Variants in TRAPPC10 observed in about 807,000 individuals in gnomAD.
The protein encoded by TRAPPC10 is trafficking protein particle complex subunit 10.
TRAPPC10 carries 23 observed loss-of-function variants against 125.5 expected under a neutral mutation model. That is an observed-to-expected ratio of 0.18 (90% CI 0.13 to 0.26). TRAPPC10 has a LOEUF of 0.26. TRAPPC10 is among the 10% of genes least tolerant of loss of function. The probability of loss-of-function intolerance (pLI) is 1.00; values close to 1 mark genes in which losing one functional copy is unlikely to be tolerated. For missense variants in TRAPPC10, 1,123 were observed against 1,308.4 expected, an observed-to-expected ratio of 0.86 and a Z score of 2.19; for synonymous variants, 509 against 518.0, an observed-to-expected ratio of 0.98 and a Z score of 0.24.
chr21:44,057,255 G>C (rs1176676907), intron 5 of TRAPPC10, among the ~76,000 whole-genome samples: 1 of 152,076 alleles, frequency 6.6e-6, no homozygotes, highest in Non-Finnish European at 1.5e-5. Context: ...TTGCACAATA[G>C]TGTGAGTGCA....
chr21:44,016,608 C>T (rs778884977), intron 1 of TRAPPC10, among the ~76,000 whole-genome samples: 3 of 152,152 alleles, frequency 2.0e-5, no homozygotes, highest in Admixed American at 6.5e-5. Context: ...TGTAGAGCTT[C>T]GTGTCTGGTT....
At chr21:44,076,485 T>C in intron 9 of TRAPPC10, 67 bp from the exon 10 acceptor site, 3 of 1,300,682 alleles carry the variant, frequency 2.3e-6, no homozygotes, top group Non-Finnish European at 3.3e-6. Flanking sequence ...TATGTGAAGG[T>C]GAATGTAAAG....
At chr21:44,031,995 A>G in intron 1 of TRAPPC10, 96 bp from the exon 2 acceptor site, 1 of 994,764 alleles carries the variant, frequency 1.0e-6, no homozygotes, top group South Asian at 1.5e-5. Context: ...ACTAAACATA[A>G]AACTACCTAA....
chr21:44,073,579 A>G lies in TRAPPC10; in HGVS notation c.1039-745A>G, dbSNP rs74780024. ...TCAAGTAAATACAGAAGCAGAGAGG[A>G]TAACATAATTCCCATGTAGGACCCA... On this transcript the variant is annotated intron_variant, in intron 7 of 22. Transcript: ENST00000291574. 2.2e-3 allele frequency among the ~76,000 whole-genome samples: 338 copies of G among 152,206 alleles called. 1 individual carries two copies. The highest frequency in any genetic ancestry group is 7.9e-3 in the African/African-American group (326 of 41,526).
intron 1 of TRAPPC10, among the ~76,000 whole-genome samples, chr21:44,025,022 C>T (rs1290009631): frequency 1.3e-5 from 2 of 152,212 alleles, no homozygotes; most frequent in African/African-American, 2.4e-5. Flanking sequence ...TCCATGATGT[C>T]GATATTCCGT....
In TRAPPC10 at chr21:44,083,024, A is replaced by G. The variant is rs1238949750; in HGVS notation, c.1960A>G (p.Ile654Val). 5.6e-6 allele frequency: 9 copies of G among 1,613,990 alleles called. No homozygotes were observed. The highest frequency in any genetic ancestry group is 3.3e-5 in the Admixed American group (2 of 60,004). Residue 654 changes from isoleucine to valine, a missense_variant, in exon 14 of 23, where the codon ATC (isoleucine) becomes GTC (valine). This residue lies in a region of TRAPPC10 where 840 missense variants were observed against 902.0 expected (regional missense o/e 0.93). Transcript: ENST00000291574. ...TACCAAGCACAAGACGTCCAATGGG[A>G]TCATTAACTTTCCACCCGAGACCGC... ...WLTKHKTSNG[I>V]INFPPETAPF...
chr21:44,092,848 A>G (rs577908023), intron 19 of TRAPPC10, among the ~76,000 whole-genome samples: 57 of 152,132 alleles, frequency 3.7e-4, no homozygotes, highest in Non-Finnish European at 6.6e-4. Context: ...CCAGGCTGGA[A>G]TGCAATCGTG....
chr21:44,091,016 C>A (rs988110649), intron 18 of TRAPPC10, among the ~76,000 whole-genome samples: 10 of 152,016 alleles, frequency 6.6e-5, no homozygotes, highest in Non-Finnish European at 1.5e-4. Context: ...CATAGTGAAA[C>A]CCCGTCTCTA....
chr21:44,094,101 A>T lies in TRAPPC10; in HGVS notation c.3036A>T (p.Glu1012Asp). ...YSKQSVFFVW[E>D]LKWTEEPPPS... ...AGCAGTCGGTGTTCTTCGTCTGGGA[A>T]CTCAAGTGGACAGAAGAGCCTCCCC... Residue 1012 changes from glutamate to aspartate, a missense_variant, in exon 20 of 23, where the codon GAA becomes GAT. Transcript: ENST00000291574. 1 of 1,613,682 alleles carries T rather than the reference A, an allele frequency of 6.2e-7. No individual in the cohort carries two copies.
At chr21:44,061,060 C>T (rs1429035887) in intron 6 of TRAPPC10, among the ~76,000 whole-genome samples, 1 of 152,228 alleles carries the variant, frequency 6.6e-6, no homozygotes, top group Non-Finnish European at 1.5e-5. Flanking sequence ...GCCTCAGCCT[C>T]CCAAATAGCT....
In TRAPPC10 at chr21:44,012,406, CGCTCAG is replaced by C; in HGVS notation, c.-83_-78del. On this transcript the variant is annotated 5_prime_UTR_variant, in exon 1 of 23. Coordinates refer to ENST00000291574, the MANE Select transcript of TRAPPC10 (RefSeq NM_003274.5). ...CCTGGCGCGGCCGGGCGGGCGGCGC[CGCTCAG>C]GCTCGGGCTCCGGCTGGGCCCGGCG... The C allele has an allele frequency of 1.2e-6, 1 of 827,966 alleles. No individual in the cohort carries two copies. Among genetic ancestry groups the C allele is most frequent in the Non-Finnish European group, 1.5e-6 (1 of 678,688 alleles). 51.3% of individuals were successfully genotyped at this position (827,966 alleles called of 1,614,324 possible). A position where few individuals can be genotyped will look rare whatever the true frequency, so the allele number is the denominator to read the frequency against.
intron 11 of TRAPPC10, 170 bp from the exon 12 acceptor site, chr21:44,079,394 G>GT (rs2146072040): frequency 1.6e-6 from 1 of 632,214 alleles, no homozygotes; most frequent in Non-Finnish European, 2.6e-6. Context: ...GTCGTCCTGA[G>GT]TAGGTACTCT....
At chr21:44,090,695 A>G (rs531408651) in intron 18 of TRAPPC10, among the ~76,000 whole-genome samples, 20 of 152,290 alleles carry the variant, frequency 1.3e-4, no homozygotes, top group South Asian at 1.0e-3. Context: ...GCGTTGATCA[A>G]TGGGCTCGGG....
intron 3 of TRAPPC10, among the ~76,000 whole-genome samples, chr21:44,041,322 G>A (rs918926124): frequency 6.6e-5 from 10 of 151,448 alleles, no homozygotes; most frequent in Non-Finnish European, 1.2e-4. Flanking sequence ...TGGAAATTAC[G>A]TATTTCGGTT....
rs1448222612 is a variant in TRAPPC10 at position 44,012,343 on chromosome 21, AGCGGGCGGCAGCT to A, written c.-146_-134del. The A allele has an allele frequency of 1.4e-5, 3 of 218,432 alleles. No individual in the cohort carries two copies. The highest frequency in any genetic ancestry group is 3.3e-4 in the South Asian group (2 of 6,062). The allele number at this position is 218,432 out of a possible 1,614,324, so 13.5% of individuals were successfully genotyped here. ...GCCGGAAGTGGCTGAGGCCGGCAGCAGCGGGCGGCAGCTGCGGCGCAACCGGCTCCGGAGCTGC... is the reference window on the plus strand; with the variant it reads ...GCCGGAAGTGGCTGAGGCCGGCAGCAGCGGCGCAACCGGCTCCGGAGCTGC... On this transcript the variant is annotated 5_prime_UTR_variant, in exon 1 of 23. Coordinates refer to ENST00000291574, the MANE Select transcript of TRAPPC10 (RefSeq NM_003274.5).
chr21:44,052,610 G>A (rs1477778799), intron 4 of TRAPPC10, 134 bp downstream of exon 4: 1 of 801,574 alleles, frequency 1.2e-6, no homozygotes, highest in Admixed American at 3.0e-5. Context: ...AGGAGACCTG[G>A]TGCCTGTCCT....
At chr21:44,074,906 G>T in intron 8 of TRAPPC10, 133 bp from the exon 9 acceptor site, 2 of 683,046 alleles carry the variant, frequency 2.9e-6, no homozygotes, top group Non-Finnish European at 2.5e-6. Context: ...TTTGTATCCA[G>T]ATTTGAGTCA....
chr21:44,044,609 T>C (rs902800278), intron 3 of TRAPPC10, among the ~76,000 whole-genome samples: 3 of 152,046 alleles, frequency 2.0e-5, no homozygotes, highest in African/African-American at 4.8e-5. Flanking sequence ...TACTATTTTT[T>C]GCCTTAAACA....
chr21:44,079,806 A>G, intron 12 of TRAPPC10, 102 bp downstream of exon 12: 1 of 1,327,848 alleles, frequency 7.5e-7, no homozygotes, highest in Non-Finnish European at 1.0e-6. Flanking sequence ...TAAGGAGAGA[A>G]AAGTCCTAAC....
Sources: gnomAD v4.1 joint callset for allele counts (sites outside exome capture counted in the v4.1 genomes callset) on GRCh38, gnomAD v4.1.1 for gene constraint, gnomAD v4.1.1 regional missense constraint, MANE v1.5 for transcripts, NCBI Gene and HGNC (gene_info 2026-07-23, HGNC 2026-07-21) for gene names.